Variants in PARVB observed in about 807,000 individuals in gnomAD.
PARVB encodes the protein beta-parvin.
A neutral mutation model predicts 47.0 loss-of-function variants in PARVB; 46 were observed. That is an observed-to-expected ratio of 0.98 (90% CI 0.77 to 1.25). PARVB has a LOEUF of 1.25. Ranked by LOEUF, PARVB falls within the 50% of genes most tolerant of loss-of-function variation. The probability of loss-of-function intolerance (pLI) is 0.00; values close to 1 mark genes in which losing one functional copy is unlikely to be tolerated. For missense variants in PARVB, 473 were observed against 471.6 expected (o/e 1.00, Z -0.03); for synonymous variants, 196 against 196.3 (o/e 1.00, Z 0.01).
chr22:44,059,040 T>A (rs1461374256), intron 1 of PARVB, among the ~76,000 whole-genome samples: 2 of 6,686 alleles, frequency 3.0e-4, no homozygotes, highest in Non-Finnish European at 5.5e-4. Context: ...ACCCTGTGGC[T>A]TTTTTTTTTT....
At chr22:44,063,562 G>T (rs1178699029) in intron 1 of PARVB, among the ~76,000 whole-genome samples, 2 of 152,094 alleles carry the variant, frequency 1.3e-5, no homozygotes, top group African/African-American at 4.8e-5. Context: ...ACAAGCACTT[G>T]CGGTGTGTCC....
intron 1 of PARVB, among the ~76,000 whole-genome samples, chr22:44,063,627 G>A (rs962354067): frequency 6.6e-6 from 1 of 152,076 alleles, no homozygotes; most frequent in Admixed American, 6.5e-5. Context: ...GGCAGGGTGT[G>A]GGGTTAGTGG....
intron 1 of PARVB, among the ~76,000 whole-genome samples, chr22:44,042,532 C>G (rs1335501642): frequency 6.6e-6 from 1 of 152,184 alleles, no homozygotes; most frequent in African/African-American, 2.4e-5. Flanking sequence ...GACACGCCAC[C>G]CTGGGAACTG....
At chr22:44,005,266 AT>A (rs2050452600) in intron 2 of PARVB, among the ~76,000 whole-genome samples, 1 of 95,420 alleles carries the variant, frequency 1.0e-5, no homozygotes, top group African/African-American at 4.2e-5. Flanking sequence ...TGCCCAGCTA[AT>A]TTTTTCTATT....
intron 12 of PARVB, among the ~76,000 whole-genome samples, chr22:44,167,147 C>T (rs1421064587): frequency 2.0e-5 from 3 of 152,194 alleles, no homozygotes; most frequent in African/African-American, 7.2e-5. Flanking sequence ...CTTGTGGGGA[C>T]CTGGCGGAGA....
upstream of PARVB, among the ~76,000 whole-genome samples, chr22:44,020,113 G>C (rs2050631015): frequency 6.6e-6 from 1 of 151,744 alleles, no homozygotes; most frequent in Non-Finnish European, 1.5e-5. Context: ...TTCCAGCATG[G>C]TCCATCTGCA....
At chr22:44,076,426 C>A (rs138524778) in intron 1 of PARVB, among the ~76,000 whole-genome samples, 10 of 152,228 alleles carry the variant, frequency 6.6e-5, no homozygotes, top group African/African-American at 2.4e-4. Context: ...CCGTTCTCCT[C>A]TCTGATCTTT....
At chr22:44,026,922 A>G (rs1314645470) in intron 1 of PARVB, among the ~76,000 whole-genome samples, 2 of 151,286 alleles carry the variant, frequency 1.3e-5, no homozygotes, top group Admixed American at 6.6e-5. Flanking sequence ...TTTGGGAGGG[A>G]TGGTTGGGAT....
At chr22:44,076,645 G>A (rs930761006) in intron 1 of PARVB, among the ~76,000 whole-genome samples, 1 of 152,166 alleles carries the variant, frequency 6.6e-6, no homozygotes, top group Admixed American at 6.5e-5. Context: ...GTTTATAGGC[G>A]TGCCTGGGTC....
At chr22:44,097,023 C>G (rs879677071) in intron 2 of PARVB, among the ~76,000 whole-genome samples, 1 of 152,044 alleles carries the variant, frequency 6.6e-6, no homozygotes, top group Non-Finnish European at 1.5e-5. Flanking sequence ...TGTGGTGTCC[C>G]GGGACTGTGG....
At chr22:44,083,067 T>G (rs1470135014) in intron 1 of PARVB, among the ~76,000 whole-genome samples, 1 of 152,126 alleles carries the variant, frequency 6.6e-6, no homozygotes, top group Non-Finnish European at 1.5e-5. Flanking sequence ...CGGAGCGGAC[T>G]CCTTCCTCCT....
intron 2 of PARVB, among the ~76,000 whole-genome samples, chr22:44,005,409 G>A (rs1445430333): frequency 1.4e-5 from 2 of 145,924 alleles, no homozygotes; most frequent in Non-Finnish European, 3.1e-5. Context: ...TACCACGCCT[G>A]GCCGTTTTTT....
At chr22:44,000,705 C>T (rs919775234) in intron 2 of PARVB, among the ~76,000 whole-genome samples, 1 of 152,192 alleles carries the variant, frequency 6.6e-6, no homozygotes, top group African/African-American at 2.4e-5. Flanking sequence ...TGTGAACATT[C>T]TTTGATACTT....
chr22:44,023,464 T>C (rs1031920507), upstream of PARVB, among the ~76,000 whole-genome samples: 2 of 151,460 alleles, frequency 1.3e-5, no homozygotes, highest in Non-Finnish European at 2.9e-5. Flanking sequence ...TGAGCCGAGA[T>C]TGTGCCACTG....
Position 44,125,343 on chromosome 22 carries a change from A to C in PARVB, c.377-6144A>C, listed in dbSNP as rs889795060. Among the ~76,000 whole-genome samples, 1 of 152,228 alleles carries C rather than the reference A, an allele frequency of 6.6e-6. No individual in the cohort carries two copies. The highest frequency in any genetic ancestry group is 6.5e-5 in the Admixed American group (1 of 15,288). On this transcript the variant is annotated intron_variant, in intron 4 of 12. Transcript: ENST00000338758. This position sits in a 1 kb window ranked among gnomAD's most constrained non-coding sequence, Gnocchi z 4.1. The stretch of plus-strand genomic sequence containing the variant: ...CTGCGCCTGCCCACTCCCCCAGCAC[A>C]CATTCTAGCAGAGTGAAGAAAGAGA...
intron 1 of PARVB, among the ~76,000 whole-genome samples, chr22:44,027,005 G>T (rs2050741594): frequency 6.6e-6 from 1 of 152,056 alleles, no homozygotes; most frequent in Non-Finnish European, 1.5e-5. Context: ...AAGCAGTGCA[G>T]GAAGTGTCTG....
chr22:44,047,367 A>T (rs749982458), intron 1 of PARVB, among the ~76,000 whole-genome samples: 7 of 152,226 alleles, frequency 4.6e-5, no homozygotes, highest in Non-Finnish European at 7.3e-5. Flanking sequence ...AGGTCGCTGT[A>T]TTCATCTCCC....
intron 2 of PARVB, among the ~76,000 whole-genome samples, chr22:44,016,578 C>A (rs907482077): frequency 6.6e-6 from 1 of 152,212 alleles, no homozygotes; most frequent in African/African-American, 2.4e-5. Context: ...TTCATATACA[C>A]CTTGTACACA....
intron 8 of PARVB, chr22:44,145,645 C>A (rs1254092934): frequency 6.6e-6 from 1 of 152,296 alleles, no homozygotes; most frequent in East Asian, 1.9e-4. Flanking sequence ...GTCCCCAGTG[C>A]CCATTTTCAG....
Sources: allele counts gnomAD v4.1 joint callset (sites outside exome capture counted in the v4.1 genomes callset), GRCh38; gene constraint gnomAD v4.1.1; non-coding constraint Gnocchi (gnomAD v3.1); transcripts MANE v1.5; gene names NCBI Gene and HGNC (gene_info 2026-07-23, HGNC 2026-07-21).